CADM2: variants seen among roughly 807,000 people sequenced by gnomAD.
CADM2 encodes cell adhesion molecule 2, also known as immunoglobulin superfamily member 4D.
In CADM2, 12 loss-of-function variants were observed where a neutral mutation model predicts 49.8. The observed-to-expected ratio is 0.24, with a 90% CI of 0.15 to 0.39. The LOEUF (loss-of-function observed/expected upper bound fraction) is 0.39. Ranked by LOEUF, CADM2 falls within the 10% of genes least tolerant of loss-of-function variation. The pLI, the probability that CADM2 is intolerant of heterozygous loss-of-function variation, is 1.00. For synonymous variants in CADM2, 214 were observed against 175.4 expected, an observed-to-expected ratio of 1.22 and a Z score of -1.74; for missense variants, 378 against 492.3, an observed-to-expected ratio of 0.77 and a Z score of 2.20.
intron 1 of CADM2, among the ~76,000 whole-genome samples, chr3:85,479,205 C>T (rs994560887): frequency 1.3e-5 from 2 of 151,934 alleles, no homozygotes; most frequent in Non-Finnish European, 2.9e-5. Flanking sequence ...TTCAACCTCC[C>T]GAGTACCAGG....
chr3:85,977,524 A>G (rs1228500653), intron 8 of CADM2, among the ~76,000 whole-genome samples: 1 of 151,626 alleles, frequency 6.6e-6, no homozygotes, highest in East Asian at 1.9e-4. Context: ...GATAAGTATA[A>G]AAGTTAAAAT....
intron 1 of CADM2, among the ~76,000 whole-genome samples, chr3:85,531,198 T>C (rs2061301831): frequency 6.6e-6 from 1 of 152,184 alleles, no homozygotes; most frequent in African/African-American, 2.4e-5. Flanking sequence ...TTTTGATTCA[T>C]TTATATTTTT....
chr3:85,961,691 C>T (rs986692780), intron 8 of CADM2, 44 bp downstream of exon 8: 2 of 1,383,466 alleles, frequency 1.4e-6, no homozygotes, highest in African/African-American at 2.9e-5. Context: ...GGATGCATAA[C>T]TTGAAAAACT....
chr3:85,192,734 A>T (rs2041238338), intron 1 of CADM2, among the ~76,000 whole-genome samples: 1 of 151,972 alleles, frequency 6.6e-6, no homozygotes, highest in South Asian at 2.1e-4. Context: ...CTTGCTACTT[A>T]AAGTACCAGA....
intron 1 of CADM2, among the ~76,000 whole-genome samples, chr3:85,554,966 T>C (rs1250288445): frequency 6.6e-6 from 1 of 151,824 alleles, no homozygotes. Context: ...TCCTCTCACC[T>C]TGGCCTCACA....
At chr3:85,061,214 C>T (rs886246072) in intron 1 of CADM2, among the ~76,000 whole-genome samples, 1 of 152,016 alleles carries the variant, frequency 6.6e-6, no homozygotes, top group Non-Finnish European at 1.5e-5. Context: ...AAATGTTTCT[C>T]GTGATGAAAA....
At chr3:85,442,600 AT>A (rs2107546464) in intron 1 of CADM2, among the ~76,000 whole-genome samples, 1 of 20,924 alleles carries the variant, frequency 4.8e-5, no homozygotes, top group Admixed American at 1.1e-3. Context: ...ATATATATAT[AT>A]ATATATATAT....
At chr3:85,415,931 T>A (rs974066207) in intron 1 of CADM2, among the ~76,000 whole-genome samples, 1 of 152,050 alleles carries the variant, frequency 6.6e-6, no homozygotes, top group African/African-American at 2.4e-5. Flanking sequence ...AATATATTAT[T>A]TACTGTGACA....
At chr3:85,658,499 T>C (rs2065278111) in intron 1 of CADM2, among the ~76,000 whole-genome samples, 1 of 149,766 alleles carries the variant, frequency 6.7e-6, no homozygotes, top group Non-Finnish European at 1.5e-5. Flanking sequence ...TTTATAAGAT[T>C]ATCTATCTGT....
intron 1 of CADM2, among the ~76,000 whole-genome samples, chr3:85,527,553 T>G (rs981196445): frequency 6.6e-6 from 1 of 151,644 alleles, no homozygotes. Flanking sequence ...TTCCTTAAGA[T>G]ATTGTTTTTG....
chr3:85,591,901 C>T lies in CADM2; in HGVS notation c.62-134621C>T, dbSNP rs141490780. Among the ~76,000 whole-genome samples the T allele has an allele frequency of 1.3e-3, 198 of 151,812 alleles. 2 individuals carry two copies. Among genetic ancestry groups the T allele is most frequent in the Admixed American group, 9.1e-3 (139 of 15,192 alleles). ...AATTTGCATCTAAGTAGCAGATTGT[C>T]GAATAGAAATTTAGTAAGACCACAG... On this transcript the variant is annotated intron_variant, in intron 1 of 9. Transcript: ENST00000383699.
chr3:85,449,527 T>C (rs1261896913), intron 1 of CADM2, among the ~76,000 whole-genome samples: 5 of 151,760 alleles, frequency 3.3e-5, no homozygotes. Flanking sequence ...ACAAGGTCTT[T>C]TTTTGACGTA....
At chr3:86,054,024 A>T (rs1004331956) in intron 8 of CADM2, among the ~76,000 whole-genome samples, 1 of 152,044 alleles carries the variant, frequency 6.6e-6, no homozygotes, top group South Asian at 2.1e-4. Context: ...CATATCTGTC[A>T]TATAGCTAGT....
At chr3:85,145,479 T>C (rs2039709864) in intron 1 of CADM2, among the ~76,000 whole-genome samples, 1 of 152,008 alleles carries the variant, frequency 6.6e-6, no homozygotes, top group Non-Finnish European at 1.5e-5. Context: ...CTTATATTAT[T>C]TGCAATTTTT....
At chr3:85,853,782 TA>T (rs768006896) in intron 3 of CADM2, among the ~76,000 whole-genome samples, 73 of 152,146 alleles carry the variant, frequency 4.8e-4, no homozygotes, top group Non-Finnish European at 5.3e-4. Flanking sequence ...GAAACTAAAA[TA>T]ATATATAAAT....
At chr3:85,809,634 A>T (rs1173751331) in intron 3 of CADM2, among the ~76,000 whole-genome samples, 1 of 151,526 alleles carries the variant, frequency 6.6e-6, no homozygotes. Flanking sequence ...GTGTTTCATT[A>T]TGCTGAAAAA....
intron 3 of CADM2, among the ~76,000 whole-genome samples, chr3:85,808,327 G>A (rs775746812): frequency 6.6e-6 from 1 of 152,030 alleles, no homozygotes; most frequent in Admixed American, 6.6e-5. Context: ...ATAAATCTTA[G>A]CACCTCTGTT....
chr3:85,986,339 G>A (rs990904901), intron 8 of CADM2, among the ~76,000 whole-genome samples: 2 of 151,986 alleles, frequency 1.3e-5, no homozygotes, highest in Non-Finnish European at 2.9e-5. Flanking sequence ...CACCATAAAT[G>A]TACTCAAATA....
intron 3 of CADM2, among the ~76,000 whole-genome samples, chr3:85,837,803 A>G (rs2074472009): frequency 1.3e-5 from 2 of 151,792 alleles, no homozygotes. Flanking sequence ...CTCCACTGTA[A>G]GATAAAAATT....
Sources: allele counts gnomAD v4.1 joint callset (sites outside exome capture counted in the v4.1 genomes callset), GRCh38; gene constraint gnomAD v4.1.1; transcripts MANE v1.5; gene names NCBI Gene and HGNC (gene_info 2026-07-23, HGNC 2026-07-21).